Variants in TTC6 observed in about 807,000 individuals in gnomAD.
TTC6 encodes tetratricopeptide repeat domain 6, also known as tetratricopeptide repeat protein 6.
In TTC6, 172 loss-of-function variants were observed where a neutral mutation model predicts 210.4. That is an observed-to-expected ratio of 0.82 (90% CI 0.72 to 0.93). The LOEUF is 0.93. Among genes scored for constraint, TTC6 ranks in the 40% least tolerant of loss-of-function variants. TTC6 has a pLI of 0.00. For missense variants in TTC6, 2,414 were observed against 2,318.1 expected, an observed-to-expected ratio of 1.04 and a Z score of -0.85; for synonymous variants, 804 against 819.6, an observed-to-expected ratio of 0.98 and a Z score of 0.32.
intron 26 of TTC6, among the ~76,000 whole-genome samples, chr14:37,820,432 T>C (rs1566973402): frequency 6.6e-6 from 1 of 152,236 alleles, no homozygotes; most frequent in Non-Finnish European, 1.5e-5. Flanking sequence ...TGCCATTTGG[T>C]AATTCACAAC....
chr14:37,682,696 C>G, intron 2 of TTC6, 62 bp from the exon 5 acceptor site: 1 of 1,394,726 alleles, frequency 7.2e-7, no homozygotes, highest in East Asian at 2.5e-5. Flanking sequence ...TGTTGCATCA[C>G]TGAAAAGCCT....
intron 1 of TTC6, among the ~76,000 whole-genome samples, chr14:37,654,520 G>A (rs1194416281): frequency 2.0e-5 from 3 of 151,934 alleles, no homozygotes; most frequent in Non-Finnish European, 2.9e-5. Flanking sequence ...AGAAGCAGAT[G>A]CCGCTATGCT....
rs754674998 is a variant in TTC6, at chr14:37,827,208, G to A, written c.5140G>A (p.Ala1714Thr). ...TATTATACTGCAGATCAGTACTACA[G>A]CAGAATTCTTAACAAATCGTGGGGT... The change falls in exon 29 of 31, where the codon GCA (alanine) becomes ACA (threonine). Residue 1714 changes from alanine (A) to threonine (T), a missense_variant. By Grantham distance (58) the Ala-to-Thr change is moderately conservative. Coordinates refer to ENST00000553443, the Ensembl canonical transcript of TTC6. 5.6e-6 allele frequency: 9 copies of A among 1,612,412 alleles called. No homozygotes were observed. In the South Asian group the frequency reaches 9.9e-5, roughly 18 times the overall value.
intron 21 of TTC6, among the ~76,000 whole-genome samples, chr14:37,805,158 A>G (rs1408906028): frequency 6.6e-6 from 1 of 152,218 alleles, no homozygotes; most frequent in Non-Finnish European, 1.5e-5. Flanking sequence ...GTGCTTTAAC[A>G]TAATGTAGAA....
At chr14:37,716,194 C>T (rs1429340217) in intron 6 of TTC6, among the ~76,000 whole-genome samples, 1 of 151,722 alleles carries the variant, frequency 6.6e-6, no homozygotes, top group East Asian at 1.9e-4. Flanking sequence ...AAAAGCTATA[C>T]AAAGAGATAT....
intron 2 of TTC6, among the ~76,000 whole-genome samples, chr14:37,681,598 G>A (rs1268988856): frequency 6.6e-6 from 1 of 152,028 alleles, no homozygotes; most frequent in African/African-American, 2.4e-5. Context: ...AATACCTTTC[G>A]ACTTGGTACC....
chr14:37,811,210 G>A (rs996624248), intron 24 of TTC6, among the ~76,000 whole-genome samples: 1 of 152,108 alleles, frequency 6.6e-6, no homozygotes, highest in African/African-American at 2.4e-5. Flanking sequence ...GATCTCGAAG[G>A]CATCATACTG....
At chr14:37,758,989 T>C (rs2095975880) in intron 14 of TTC6, among the ~76,000 whole-genome samples, 1 of 152,134 alleles carries the variant, frequency 6.6e-6, no homozygotes, top group African/African-American at 2.4e-5. Context: ...CAAATTCTTT[T>C]CTGCTGGGTG....
chr14:37,653,032 A>T (rs1302936466), intron 1 of TTC6, among the ~76,000 whole-genome samples: 1 of 152,222 alleles, frequency 6.6e-6, no homozygotes, highest in Non-Finnish European at 1.5e-5. Context: ...TACACATTTA[A>T]ATGTCTTCTT....
chr14:37,648,622 G>A (rs572623322), intron 1 of TTC6, among the ~76,000 whole-genome samples: 1 of 152,092 alleles, frequency 6.6e-6, no homozygotes, highest in South Asian at 2.1e-4. Flanking sequence ...TCGTATAAGA[G>A]AGGGATTATA....
chr14:37,663,430 A>G lies in TTC6; in HGVS notation c.940-16721A>G, dbSNP rs1335545035. The stretch of plus-strand genomic sequence containing the variant: ...GAGAATATATCTGTGCTTTCACTCT[A>G]AAATTTGGGTCTTTTGCCTTACAAA... On this transcript the variant is annotated intron_variant, in intron 1 of 30. Transcript: ENST00000553443. Among the ~76,000 whole-genome samples, 3 of 152,194 alleles carry G rather than the reference A, an allele frequency of 2.0e-5. No individual in the cohort carries two copies. The East Asian group carries it at 5.8e-4, about 29-fold the overall frequency.
At chr14:37,807,195 A>T in intron 22 of TTC6, 125 bp from the exon 25 acceptor site, 1 of 905,876 alleles carries the variant, frequency 1.1e-6, no homozygotes, top group Non-Finnish European at 1.5e-6. Flanking sequence ...GAAAAATTTT[A>T]AAAAGACTAT....
intron 2 of TTC6, among the ~76,000 whole-genome samples, chr14:37,616,787 T>C (rs2139275322): frequency 6.6e-6 from 1 of 151,922 alleles, no homozygotes; most frequent in Admixed American, 6.5e-5. Context: ...AACAAATTGC[T>C]TTTGAAACTG....
intron 17 of TTC6, among the ~76,000 whole-genome samples, chr14:37,793,901 TA>T (rs1372297580): frequency 1.3e-5 from 2 of 152,164 alleles, no homozygotes; most frequent in Non-Finnish European, 2.9e-5. Context: ...GTAAGAAAAG[TA>T]GGGCTCACAA....
chr14:37,773,100 G>T (rs1014468455), intron 14 of TTC6, among the ~76,000 whole-genome samples: 2 of 152,050 alleles, frequency 1.3e-5, no homozygotes, highest in Admixed American at 6.6e-5. Context: ...ATGCTATTGT[G>T]TGTGGGTTTT....
At chr14:37,652,065 C>T (rs2095714106) in intron 1 of TTC6, among the ~76,000 whole-genome samples, 1 of 152,128 alleles carries the variant, frequency 6.6e-6, no homozygotes, top group Admixed American at 6.6e-5. Context: ...AAGCCTTAAT[C>T]CAGAAGGAAA....
Position 37,749,186 on chromosome 14 carries a change from C to A in TTC6, c.2611C>A (p.Pro871Thr), listed in dbSNP as rs1357399736. 7 of 1,533,268 alleles carry A rather than the reference C, an allele frequency of 4.6e-6. No homozygotes were observed. In the African/African-American group the frequency reaches 9.6e-5, roughly 21 times the overall value. 95.0% of individuals were successfully genotyped at this position (1,533,268 alleles called of 1,614,324 possible). A position where few individuals can be genotyped will look rare whatever the true frequency, so the allele number is the denominator to read the frequency against. Residue 871 changes from proline to threonine, a missense_variant, in exon 11 of 31, where the codon CCT becomes ACT. Transcript: ENST00000553443. ...TAAAATATCAGTTCCTGAAGACCCA[C>A]CTGAAAGAGTGAAAGAACCACCAAA...
intron 1 of TTC6, among the ~76,000 whole-genome samples, chr14:37,676,755 G>A (rs1014986894): frequency 2.6e-5 from 4 of 152,020 alleles, no homozygotes; most frequent in African/African-American, 9.7e-5. Context: ...ATTTGAGATA[G>A]GGATCCAACT....
intron 1 of TTC6, among the ~76,000 whole-genome samples, chr14:37,630,013 C>T (rs1330236626): frequency 6.6e-6 from 1 of 151,940 alleles, no homozygotes; most frequent in Non-Finnish European, 1.5e-5. Context: ...GTTTGTTAAT[C>T]TTTTCAATAA....
Sources: gnomAD v4.1 joint callset for allele counts (sites outside exome capture counted in the v4.1 genomes callset) on GRCh38, gnomAD v4.1.1 for gene constraint, MANE v1.5 for transcripts, NCBI Gene and HGNC (gene_info 2026-07-23, HGNC 2026-07-21) for gene names.